Variants in PRDM16 observed in about 807,000 individuals in gnomAD.
The protein encoded by PRDM16 is histone-lysine N-methyltransferase PRDM16.
In PRDM16, 23 loss-of-function variants were observed where a neutral mutation model predicts 110.6. That is an observed-to-expected ratio of 0.21 (90% CI 0.15 to 0.29). PRDM16 has a LOEUF of 0.29. PRDM16 is among the 10% of genes least tolerant of loss of function. The pLI is 1.00. For synonymous variants in PRDM16, 799 were observed against 781.8 expected, an observed-to-expected ratio of 1.02 and a Z score of -0.37; for missense variants, 1,615 against 1,794.3, an observed-to-expected ratio of 0.90 and a Z score of 1.81.
At chr1:3,165,784 C>T (rs1274413836) in intron 1 of PRDM16, among the ~76,000 whole-genome samples, 1 of 76,990 alleles carries the variant, frequency 1.3e-5, no homozygotes, top group Non-Finnish European at 2.2e-5. Context: ...CACCAGGGCT[C>T]AGGGACAGGG....
chr1:3,186,601 A>C, intron 2 of PRDM16, 127 bp downstream of exon 2: 2 of 620,830 alleles, frequency 3.2e-6, no homozygotes, highest in Non-Finnish European at 5.4e-6. Context: ...TTCAAATGTC[A>C]CATTTCCCAG....
intron 3 of PRDM16, among the ~76,000 whole-genome samples, chr1:3,330,508 C>T (rs972792420): frequency 2.6e-5 from 4 of 152,208 alleles, no homozygotes; most frequent in Admixed American, 6.5e-5. Context: ...ATCTGCCCCT[C>T]GCTCCCTAGG....
In PRDM16 at chr1:3,412,706, G is replaced by GAGGGGCTGCCCC. The variant is rs771093380; in HGVS notation, c.2513_2524dup (p.Gly838_Gln841dup). The GAGGGGCTGCCCC allele has an allele frequency of 5.8e-5, 87 of 1,497,132 alleles. No homozygotes were observed. In the South Asian group the frequency reaches 1.1e-3, roughly 20 times the overall value. 92.7% of individuals were successfully genotyped at this position (1,497,132 alleles called of 1,614,324 possible). A position where few individuals can be genotyped will look rare whatever the true frequency, so the allele number is the denominator to read the frequency against. On this transcript the variant is annotated inframe_insertion, in exon 9 of 17. Coordinates refer to ENST00000270722, the MANE Select transcript of PRDM16 (RefSeq NM_022114.4). ...TGGGGAACGCAAGCTGGGCGCCGGCGAGGGGCTGCCCCAGGTGTGCCCGGC... is the reference window on the plus strand; with the variant it reads ...TGGGGAACGCAAGCTGGGCGCCGGCGAGGGGCTGCCCCAGGGGCTGCCCCAGGTGTGCCCGGC...
At chr1:3,136,633 C>G (rs1406005452) in intron 1 of PRDM16, among the ~76,000 whole-genome samples, 1 of 152,148 alleles carries the variant, frequency 6.6e-6, no homozygotes, top group Non-Finnish European at 1.5e-5. Flanking sequence ...GGTCGTTTCT[C>G]TTGCCCTCAA....
At chr1:3,194,844 C>T (rs1213295428) in intron 2 of PRDM16, among the ~76,000 whole-genome samples, 1 of 152,198 alleles carries the variant, frequency 6.6e-6, no homozygotes, top group Non-Finnish European at 1.5e-5. Context: ...TTCCCAGATG[C>T]ACGCTCCACT....
Position 3,080,124 on chromosome 1 carries a change from G to T in PRDM16, c.37+10828G>T, listed in dbSNP as rs377373775. On this transcript the variant is annotated intron_variant, in intron 1 of 16. Coordinates refer to ENST00000270722, the MANE Select transcript of PRDM16 (RefSeq NM_022114.4). This position sits in a 1 kb window ranked among gnomAD's most constrained non-coding sequence, Gnocchi z 5.2. ...CCCTGAGAAGAAACAAAGAGGAAACGAGGCTGTTTAGATAATCCCGGGCCC... is the reference window on the plus strand; with the variant it reads ...CCCTGAGAAGAAACAAAGAGGAAACTAGGCTGTTTAGATAATCCCGGGCCC... Among the ~76,000 whole-genome samples, 1 of 152,232 alleles carries T rather than the reference G, an allele frequency of 6.6e-6. No individual in the cohort carries two copies. The highest frequency in any genetic ancestry group is 2.4e-5 in the African/African-American group (1 of 41,462).
At chr1:3,101,890 A>T (rs987662600) in intron 1 of PRDM16, among the ~76,000 whole-genome samples, 1 of 152,144 alleles carries the variant, frequency 6.6e-6, no homozygotes, top group African/African-American at 2.4e-5. Flanking sequence ...TCCCAGCTGG[A>T]GCTAGTGCTA....
intron 8 of PRDM16, among the ~76,000 whole-genome samples, chr1:3,405,864 C>T (rs1425902051): frequency 4.6e-5 from 7 of 152,206 alleles, no homozygotes; most frequent in African/African-American, 1.7e-4. Flanking sequence ...CTTCCCCATC[C>T]CGTCCTCCTC....
chr1:3,069,460 G>C lies in PRDM16; in HGVS notation c.37+164G>C, dbSNP rs2100462011. On this transcript the variant is annotated intron_variant, in intron 1 of 16. Coordinates refer to ENST00000270722, the MANE Select transcript of PRDM16 (RefSeq NM_022114.4). The surrounding 1 kb of genome is among the most constrained non-coding windows in gnomAD (Gnocchi z 6.1). ...GGGCTGCTCCGCCTCCCGCGCTCCGGGGCGACCGGGCTCGGCGCGGAGGCT... is the reference window on the plus strand; with the variant it reads ...GGGCTGCTCCGCCTCCCGCGCTCCGCGGCGACCGGGCTCGGCGCGGAGGCT... 6.9e-6 allele frequency among the ~76,000 whole-genome samples: 1 copy of C among 143,936 alleles called. No individual in the cohort carries two copies. Among genetic ancestry groups the C allele is most frequent in the African/African-American group, 2.5e-5 (1 of 40,258 alleles). The allele number at this position is 143,936 out of a possible 152,430, so 94.4% of individuals were successfully genotyped here. A position where few individuals can be genotyped will look rare whatever the true frequency, so the allele number is the denominator to read the frequency against.
chr1:3,126,378 C>A (rs1172008150), intron 1 of PRDM16, among the ~76,000 whole-genome samples: 1 of 152,216 alleles, frequency 6.6e-6, no homozygotes, highest in Admixed American at 6.5e-5. Context: ...CAGTCCACTG[C>A]TCAGGTGGAC....
chr1:3,140,184 C>T (rs1298753508), intron 1 of PRDM16, among the ~76,000 whole-genome samples: 1 of 152,272 alleles, frequency 6.6e-6, no homozygotes, highest in Non-Finnish European at 1.5e-5. Flanking sequence ...CCGGCGGATG[C>T]AGCCCCCGGA....
At position 3,246,358 on chromosome 1, in the gene PRDM16, C is replaced by T. The variant is rs746931478; in HGVS notation, c.438+2221C>T. Among the ~76,000 whole-genome samples, 17 of 152,180 alleles carry T rather than the reference C, an allele frequency of 1.1e-4. No individual in the cohort carries two copies. The highest frequency in any genetic ancestry group is 4.1e-4 in the South Asian group (2 of 4,824). ...GGAAAGCAGGTTGAGAACCTTGGGTCGGGCTGAGGAGTCTCAGGTTCCGCC... is the reference window on the plus strand; with the variant it reads ...GGAAAGCAGGTTGAGAACCTTGGGTTGGGCTGAGGAGTCTCAGGTTCCGCC... On this transcript the variant is annotated intron_variant, in intron 3 of 16. Transcript: ENST00000270722. The surrounding 1 kb of genome is among the most constrained non-coding windows in gnomAD (Gnocchi z 5.2).
At chr1:3,183,493 A>T (rs1644233503) in intron 1 of PRDM16, among the ~76,000 whole-genome samples, 1 of 152,206 alleles carries the variant, frequency 6.6e-6, no homozygotes, top group Non-Finnish European at 1.5e-5. Flanking sequence ...CCCTTGAAAG[A>T]AGAGCTCCCT....
intron 3 of PRDM16, among the ~76,000 whole-genome samples, chr1:3,369,903 T>C: frequency 6.6e-6 from 1 of 152,250 alleles, no homozygotes. Flanking sequence ...TTGCTTAGAC[T>C]TGGCCTGTTG....
chr1:3,258,827 C>T (rs1640102868), intron 3 of PRDM16, among the ~76,000 whole-genome samples: 1 of 152,256 alleles, frequency 6.6e-6, no homozygotes, highest in Non-Finnish European at 1.5e-5. Flanking sequence ...GAACAGGCTC[C>T]CTGCTCGAGC....
chr1:3,241,559 G>C (rs2100908584), intron 2 of PRDM16, among the ~76,000 whole-genome samples: 1 of 152,344 alleles, frequency 6.6e-6, no homozygotes, highest in South Asian at 2.1e-4. Flanking sequence ...TATTGGGGCC[G>C]GTGTTGGAGC....
chr1:3,089,342 CCCCCCA>C (rs1295486645), intron 1 of PRDM16, among the ~76,000 whole-genome samples: 2 of 152,224 alleles, frequency 1.3e-5, no homozygotes, highest in Non-Finnish European at 2.9e-5. Flanking sequence ...CTGGGACCCA[CCCCCCA>C]CCGGGGCTGT....
At chr1:3,153,168 C>CGAGG in intron 1 of PRDM16, among the ~76,000 whole-genome samples, 2 of 152,246 alleles carry the variant, frequency 1.3e-5, no homozygotes, top group Non-Finnish European at 2.9e-5. Context: ...TGACCCCTCC[C>CGAGG]CTGCCACCTG....
At chr1:3,093,192 G>A (rs2100601830) in intron 1 of PRDM16, among the ~76,000 whole-genome samples, 1 of 152,296 alleles carries the variant, frequency 6.6e-6, no homozygotes, top group Admixed American at 6.5e-5. Context: ...GGCCCAGGCT[G>A]GCTGATGTCA....
Sources: allele counts gnomAD v4.1 joint callset (sites outside exome capture counted in the v4.1 genomes callset), GRCh38; gene constraint gnomAD v4.1.1; non-coding constraint Gnocchi (gnomAD v3.1); transcripts MANE v1.5; gene names NCBI Gene and HGNC (gene_info 2026-07-23, HGNC 2026-07-21).